Variants in TMEM45A observed in about 807,000 individuals in gnomAD.
TMEM45A encodes transmembrane protein 45A.
TMEM45A carries 25 observed loss-of-function variants against 32.0 expected under a neutral mutation model. The observed-to-expected ratio is 0.78, with a 90% CI of 0.57 to 1.09. TMEM45A has a LOEUF of 1.09. Ranked by LOEUF, TMEM45A falls within the 50% of genes least tolerant of loss-of-function variation. TMEM45A has a pLI of 0.00. For missense variants in TMEM45A, 302 were observed against 325.0 expected (o/e 0.93, Z 0.54); for synonymous variants, 122 against 114.8 (o/e 1.06, Z -0.40).
intron 1 of TMEM45A, among the ~76,000 whole-genome samples, chr3:100,495,686 A>G (rs957243051): frequency 6.6e-6 from 1 of 151,660 alleles, no homozygotes; most frequent in South Asian, 2.1e-4. Context: ...TGCTTCTATA[A>G]CCTCCATCCA....
Position 100,558,329 on chromosome 3 carries a change from C to T in TMEM45A, c.404-76C>T, listed in dbSNP as rs910400280. 7.3e-5 allele frequency: 114 copies of T among 1,560,222 alleles called. 1 individual carries two copies. The highest frequency in any genetic ancestry group is 3.6e-4 in the Admixed American group (21 of 58,520). On this transcript the variant is annotated intron_variant, in intron 3 of 5. Coordinates refer to ENST00000323523, the MANE Select transcript of TMEM45A (RefSeq NM_018004.3). Reference sequence around the variant, plus strand: ...GTGTGTATGTGTAAAATTCTGTCTACGGAGAGAGGGAGAGAGAGAAACAGT... The same window carrying T: ...GTGTGTATGTGTAAAATTCTGTCTATGGAGAGAGGGAGAGAGAGAAACAGT...
intron 1 of TMEM45A, among the ~76,000 whole-genome samples, chr3:100,495,039 T>C (rs140571081): frequency 2.0e-4 from 31 of 152,374 alleles, no homozygotes; most frequent in Admixed American, 3.9e-4. Context: ...CACTCTTTGT[T>C]ATCTTCCTTC....
chr3:100,572,588 G>C (rs1190281474), intron 5 of TMEM45A: 1 of 151,792 alleles, frequency 6.6e-6, no homozygotes, highest in Non-Finnish European at 1.5e-5. Context: ...TTGCTGTGCA[G>C]AAGCTCTTTA....
chr3:100,572,100 T>A, intron 5 of TMEM45A: 1 of 152,256 alleles, frequency 6.6e-6, no homozygotes, highest in South Asian at 2.1e-4. Flanking sequence ...TTTATAATCC[T>A]TTGGGTATAT....
At chr3:100,511,360 A>G (rs1209580248) in intron 1 of TMEM45A, among the ~76,000 whole-genome samples, 1 of 152,050 alleles carries the variant, frequency 6.6e-6, no homozygotes, top group African/African-American at 2.4e-5. Context: ...AGAATTTCAT[A>G]TCCAGCCAAA....
chr3:100,561,854 C>G (rs1310758382), intron 4 of TMEM45A, among the ~76,000 whole-genome samples: 1 of 152,198 alleles, frequency 6.6e-6, no homozygotes, highest in African/African-American at 2.4e-5. Context: ...AGAGATTCCT[C>G]CCATCACTGC....
At chr3:100,566,849 G>A (rs751286296) in intron 4 of TMEM45A, among the ~76,000 whole-genome samples, 1 of 151,914 alleles carries the variant, frequency 6.6e-6, no homozygotes, top group Non-Finnish European at 1.5e-5. Context: ...TTTTGTTGTT[G>A]TTAAGTTTTA....
At chr3:100,509,008 A>G (rs1457916186) in intron 1 of TMEM45A, among the ~76,000 whole-genome samples, 16 of 152,228 alleles carry the variant, frequency 1.1e-4, no homozygotes, top group Non-Finnish European at 4.4e-5. Context: ...TAGCAAGGGA[A>G]TAAACAGAAT....
At chr3:100,504,335 G>T (rs1034203624) in intron 1 of TMEM45A, among the ~76,000 whole-genome samples, 6 of 151,974 alleles carry the variant, frequency 3.9e-5, no homozygotes, top group African/African-American at 1.5e-4. Flanking sequence ...CTTCATCTCA[G>T]TTCCTGTCCT....
intron 1 of TMEM45A, among the ~76,000 whole-genome samples, chr3:100,503,535 A>G (rs972175203): frequency 2.6e-5 from 4 of 152,134 alleles, no homozygotes; most frequent in Non-Finnish European, 4.4e-5. Flanking sequence ...ATTTTCCTCA[A>G]CAGAAAATTG....
intron 1 of TMEM45A, among the ~76,000 whole-genome samples, chr3:100,540,673 A>G (rs141885349): frequency 8.9e-4 from 135 of 152,362 alleles, no homozygotes; most frequent in Admixed American, 1.6e-3. Flanking sequence ...GGAGCACCAT[A>G]CAATTCAGAA....
At chr3:100,527,821 G>A (rs891534033) in intron 1 of TMEM45A, among the ~76,000 whole-genome samples, 26 of 152,138 alleles carry the variant, frequency 1.7e-4, no homozygotes, top group African/African-American at 1.7e-4. Flanking sequence ...GGAATAGCCC[G>A]GGTATAATTC....
intron 1 of TMEM45A, among the ~76,000 whole-genome samples, chr3:100,526,023 T>C (rs1272525518): frequency 6.6e-6 from 1 of 152,192 alleles, no homozygotes; most frequent in Non-Finnish European, 1.5e-5. Flanking sequence ...CGGCTCTGAC[T>C]CAGACTCACC....
chr3:100,565,459 A>G (rs1253385556), intron 4 of TMEM45A, among the ~76,000 whole-genome samples: 1 of 152,196 alleles, frequency 6.6e-6, no homozygotes, highest in African/African-American at 2.4e-5. Flanking sequence ...TCAATATTGC[A>G]CATGAAGTGT....
chr3:100,523,695 C>CTT (rs1705482347), intron 1 of TMEM45A, among the ~76,000 whole-genome samples: 1 of 150,628 alleles, frequency 6.6e-6, no homozygotes, highest in Admixed American at 6.6e-5. Flanking sequence ...TCCTCCTTCT[C>CTT]CTTCTCCTCC....
chr3:100,499,163 T>C (rs1707975872), intron 1 of TMEM45A, among the ~76,000 whole-genome samples: 4 of 152,228 alleles, frequency 2.6e-5, no homozygotes, highest in Admixed American at 2.6e-4. Flanking sequence ...ACTGAGTTGG[T>C]AGTGTCTTTT....
chr3:100,520,631 T>C (rs1705420180), intron 1 of TMEM45A, among the ~76,000 whole-genome samples: 1 of 152,218 alleles, frequency 6.6e-6, no homozygotes, highest in African/African-American at 2.4e-5. Context: ...CCTCTGACTA[T>C]GCAGCTAAGT....
chr3:100,550,416 A>G (rs1559648177), intron 1 of TMEM45A, among the ~76,000 whole-genome samples: 2 of 152,158 alleles, frequency 1.3e-5, no homozygotes, highest in Non-Finnish European at 2.9e-5. Flanking sequence ...TATTAAGACA[A>G]ACAGAGCAAA....
chr3:100,552,979 A>G (rs1706139802), intron 1 of TMEM45A, among the ~76,000 whole-genome samples: 1 of 152,218 alleles, frequency 6.6e-6, no homozygotes, highest in African/African-American at 2.4e-5. Flanking sequence ...AATGAATTGT[A>G]TCAATGTTTC....
Sources: gnomAD v4.1 joint callset for allele counts (sites outside exome capture counted in the v4.1 genomes callset) on GRCh38, gnomAD v4.1.1 for gene constraint, MANE v1.5 for transcripts, NCBI Gene and HGNC (gene_info 2026-07-23, HGNC 2026-07-21) for gene names.